MUC4: variants seen among roughly 807,000 people sequenced by gnomAD.
MUC4 encodes the protein mucin-4.
MUC4 carries 202 observed loss-of-function variants against 257.9 expected under a neutral mutation model. The observed-to-expected ratio is 0.78, with a 90% CI of 0.70 to 0.88. The LOEUF is 0.88. Ranked by LOEUF, MUC4 falls within the 40% of genes least tolerant of loss-of-function variation. The probability of loss-of-function intolerance (pLI) is 0.00; values close to 1 mark genes in which losing one functional copy is unlikely to be tolerated. For missense variants in MUC4, 5,976 were observed against 6,513.7 expected, an observed-to-expected ratio of 0.92 and a Z score of 2.84; for synonymous variants, 2,351 against 2,757.1, an observed-to-expected ratio of 0.85 and a Z score of 4.62.
In MUC4 at chr3:195,784,009, CCTGTGGATG is replaced by C. The variant is rs1729874506; in HGVS notation, c.7562_7570del (p.Ala2521_Thr2523del). On this transcript the variant is annotated inframe_deletion, in exon 2 of 25. Transcript: ENST00000463781. ...GGTGACAGGAAGAGGGGTGGTGTCA[CCTGTGGATG>C]CTGAGGGAGTGTCGGTGACAGGTAG... 6.6e-7 allele frequency: 1 copy of C among 1,522,108 alleles called. No individual in the cohort carries two copies. Among genetic ancestry groups the C allele is most frequent in the African/African-American group, 1.6e-5 (1 of 64,036 alleles). The allele number at this position is 1,522,108 out of a possible 1,614,324, so 94.3% of individuals were successfully genotyped here.
intron 1 of MUC4, among the ~76,000 whole-genome samples, chr3:195,798,798 T>C (rs894629169): frequency 1.3e-5 from 2 of 152,224 alleles, no homozygotes; most frequent in African/African-American, 4.8e-5. Flanking sequence ...ATACCTGATA[T>C]GAGCATTTCT....
Position 195,767,771 on chromosome 3 carries a change from A to ATCG in MUC4, c.13530-1021_13530-1020insCGA, listed in dbSNP as rs1721559473. Among the ~76,000 whole-genome samples, 4 of 125,014 alleles carry ATCG rather than the reference A, an allele frequency of 3.2e-5. No homozygotes were observed. In the East Asian group the frequency reaches 1.1e-3, roughly 33 times the overall value. 82.0% of individuals were successfully genotyped at this position (125,014 alleles called of 152,430 possible). A position where few individuals can be genotyped will look rare whatever the true frequency, so the allele number is the denominator to read the frequency against. ...CGCCACCACCACCATCACCACCACCACCACCATCACCACCATCATTGCCAC... is the reference window on the plus strand; with the variant it reads ...CGCCACCACCACCATCACCACCACCATCGCCACCATCACCACCATCATTGCCAC... On this transcript the variant is annotated intron_variant, in intron 7 of 24. Transcript: ENST00000463781.
In MUC4 at chr3:195,781,139, CTGAGGAAGGGCTGGTGACAGGAAGAGGGG is replaced by C; in HGVS notation, c.10412_10440del (p.Thr3471SerfsTer21). ...AGAGGGGTGGTGTGACCTGTAGATGCTGAGGAAGGGCTGGTGACAGGAAGAGGGGTGGTGTCACCTGTGGATGCTGAGGA... is the reference window on the plus strand; with the variant it reads ...AGAGGGGTGGTGTGACCTGTAGATGCTGGTGTCACCTGTGGATGCTGAGGA... On this transcript the variant is annotated frameshift_variant, in exon 2 of 25. Coordinates refer to ENST00000463781, the MANE Select transcript of MUC4 (RefSeq NM_018406.7). LOFTEE classifies it high-confidence loss of function. The C allele has an allele frequency of 7.4e-7, 1 of 1,359,688 alleles. No individual in the cohort carries two copies. The highest frequency in any genetic ancestry group is 2.4e-5 in the Admixed American group (1 of 41,030). The allele number at this position is 1,359,688 out of a possible 1,614,324, so 84.2% of individuals were successfully genotyped here.
At position 195,770,147 on chromosome 3, in the gene MUC4, C is replaced by G. The variant is rs115634085; in HGVS notation, c.13398+69G>C. On this transcript the variant is annotated intron_variant, in intron 6 of 24. Coordinates refer to ENST00000463781, the MANE Select transcript of MUC4 (RefSeq NM_018406.7). ...GCCAGAGAGGATTTTGGAAGAGTGG[C>G]CCCTGCCTAGGATTCTAGGATGTCT... 2.2e-3 allele frequency: 3,030 copies of G among 1,402,098 alleles called. 66 individuals are homozygous for G. The African/African-American group carries it at 0.038, about 18-fold the overall frequency. The allele number at this position is 1,402,098 out of a possible 1,614,324, so 86.9% of individuals were successfully genotyped here. A position where few individuals can be genotyped will look rare whatever the true frequency, so the allele number is the denominator to read the frequency against.
Position 195,786,659 on chromosome 3 carries a change from A to G in MUC4, c.4921T>C (p.Leu1641=). 1.6e-6 allele frequency: 2 copies of G among 1,256,382 alleles called. No homozygotes were observed. Among genetic ancestry groups the G allele is most frequent in the South Asian group, 2.9e-5 (2 of 68,010 alleles). 77.8% of individuals were successfully genotyped at this position (1,256,382 alleles called of 1,614,324 possible). The change falls in exon 2 of 25, where the codon TTA becomes CTA. Residue 1641 remains leucine (L), a synonymous_variant. Coordinates refer to ENST00000463781, the MANE Select transcript of MUC4 (RefSeq NM_018406.7). ...TPLPVTNASS[L]STGHATPLHV... ...AGAGGGGTGGCGTGACCTGTGGATA[A>G]TGAGGAAGCATTGGTGACAGGAAGA... is the stretch of plus-strand genomic sequence containing the variant.
Position 195,762,216 on chromosome 3 carries a change from G to C in MUC4, c.14383C>G (p.Arg4795Gly). The C allele has an allele frequency of 6.3e-7, 1 of 1,594,850 alleles. No individual in the cohort carries two copies. Among genetic ancestry groups the C allele is most frequent in the South Asian group, 1.1e-5 (1 of 87,740 alleles). The change falls in exon 14 of 25, where the codon CGC becomes GGC. Residue 4795 changes from arginine (R) to glycine (G), a missense_variant. Arg to Gly is a moderately radical substitution (Grantham distance 125). Around this residue, in one of 44 missense-constraint regions of MUC4, gnomAD observed 996 missense variants for 1,137.3 expected, o/e 0.88. Coordinates refer to ENST00000463781, the MANE Select transcript of MUC4 (RefSeq NM_018406.7). The part of the protein sequence containing the change: ...TFNATGVLLS[R>G]NGSEVSASFD... ...CTGGCCGAGACCTCAGAGCCGTTGCGGCTCAGGAGGACTCCGGTGGCGTTG... is the reference window on the plus strand; with the variant it reads ...CTGGCCGAGACCTCAGAGCCGTTGCCGCTCAGGAGGACTCCGGTGGCGTTG...
rs368161020 is a variant in MUC4, at chr3:195,762,984, G to A, written c.14254-39C>T. The A allele has an allele frequency of 2.4e-3, 3,575 of 1,463,352 alleles. 13 individuals carry two copies. The highest frequency in any genetic ancestry group is 2.8e-3 in the Non-Finnish European group (3,002 of 1,074,708). 90.6% of individuals were successfully genotyped at this position (1,463,352 alleles called of 1,614,324 possible). A position where few individuals can be genotyped will look rare whatever the true frequency, so the allele number is the denominator to read the frequency against. ...GGAGGGGGCCTGAGCCCGACCCGCA[G>A]GTGGAGCCGACGCCCAGGAAAGCAG... On this transcript the variant is annotated intron_variant, in intron 12 of 24. Transcript: ENST00000463781.
At position 195,779,984 on chromosome 3, in the gene MUC4, A is replaced by G. The variant is rs745588948; in HGVS notation, c.11596T>C (p.Ser3866Pro). 1.4e-6 allele frequency: 2 copies of G among 1,442,540 alleles called. No homozygotes were observed. The highest frequency in any genetic ancestry group is 2.5e-5 in the South Asian group (2 of 78,940). 89.4% of individuals were successfully genotyped at this position (1,442,540 alleles called of 1,614,324 possible). Residue 3866 changes from serine to proline, a missense_variant, in exon 2 of 25, where the codon TCC (serine) becomes CCC (proline). Around this residue, in one of 44 missense-constraint regions of MUC4, gnomAD observed 330 missense variants for 262.0 expected, o/e 1.26. Transcript: ENST00000463781. ...PLPVTSPSSA[S>P]TGHATPLPVT... is the part of the protein sequence containing the mutation. ...GGAAGAGGGGTGGCGTGACCTGTGG[A>G]TGCTGAGGAAGGGCTAGTGACAGGA...
Position 195,753,218 on chromosome 3 carries a change from G to A in MUC4, c.15341C>T (p.Ser5114Phe), listed in dbSNP as rs1368701895. 1 of 1,613,910 alleles carries A rather than the reference G, an allele frequency of 6.2e-7. No individual in the cohort carries two copies. Among genetic ancestry groups the A allele is most frequent in the African/African-American group, 1.3e-5 (1 of 75,032 alleles). ...GCAGGACTGGTTCTGACACAGGAAA[G>A]AGCTCCCCAGAGCTGCAGAGTGAGT... ...DGRHCAALGS[S>F]FLCQNQSCPV... Residue 5114 changes from serine to phenylalanine, a missense_variant, in exon 20 of 25, where the codon TCT becomes TTT. This residue lies in a region of MUC4 where 996 missense variants were observed against 1,137.3 expected (regional missense o/e 0.88). Coordinates refer to ENST00000463781, the MANE Select transcript of MUC4 (RefSeq NM_018406.7).
intron 3 of MUC4, among the ~76,000 whole-genome samples, chr3:195,775,604 C>G (rs1367304197): frequency 2.3e-3 from 167 of 72,314 alleles, no homozygotes; most frequent in African/African-American, 7.0e-3. Context: ...ACCTTCCACA[C>G]CCATACCTTC....
In MUC4 at chr3:195,786,410, C is replaced by G. The variant is rs1205584837; in HGVS notation, c.5170G>C (p.Gly1724Arg). 2.0e-6 allele frequency: 3 copies of G among 1,531,906 alleles called. No homozygotes were observed. The highest frequency in any genetic ancestry group is 2.0e-5 in the Admixed American group (1 of 49,828). The allele number at this position is 1,531,906 out of a possible 1,614,324, so 94.9% of individuals were successfully genotyped here. A position where few individuals can be genotyped will look rare whatever the true frequency, so the allele number is the denominator to read the frequency against. Reference protein sequence around the residue: ...PVTSLSSVSTGDTTPLPVTSP... With the variant: ...PVTSLSSVSTRDTTPLPVTSP... ...GTGACAGGAAGAGGCGTGGTGTCAC[C>G]TGTGGATACTGAGGAAAGGCTGGTG... The change falls in exon 2 of 25, where the codon GGT (glycine) becomes CGT (arginine). Residue 1724 changes from glycine (G) to arginine (R), a missense_variant. Gly to Arg is a moderately radical substitution (Grantham distance 125). Transcript: ENST00000463781.
At chr3:195,804,118 C>T (rs550282989) in intron 1 of MUC4, among the ~76,000 whole-genome samples, 35 of 152,300 alleles carry the variant, frequency 2.3e-4, no homozygotes, top group African/African-American at 3.6e-4. Flanking sequence ...CATCCAGGGA[C>T]GAGGAGGGCA....
Position 195,777,914 on chromosome 3 carries a change from C to G in MUC4, c.12943+389G>C, listed in dbSNP as rs55873702. Among the ~76,000 whole-genome samples the G allele has an allele frequency of 4.6e-3, 367 of 79,226 alleles. 30 individuals carry two copies. The highest frequency in any genetic ancestry group is 0.029 in the African/African-American group (187 of 6,356). The allele number at this position is 79,226 out of a possible 152,430, so 52.0% of individuals were successfully genotyped here. A position where few individuals can be genotyped will look rare whatever the true frequency, so the allele number is the denominator to read the frequency against. ...ACCTTCCACAGCCATACCTTCCACA[C>G]CCATACCTTCCACACCCATACCTTC... On this transcript the variant is annotated intron_variant, in intron 3 of 24. Coordinates refer to ENST00000463781, the MANE Select transcript of MUC4 (RefSeq NM_018406.7).
rs774704499 is a variant in MUC4 at position 195,780,005 on chromosome 3, C to G, written c.11575G>C (p.Val3859Leu). Residue 3859 changes from valine to leucine, a missense_variant, in exon 2 of 25, where the codon GTC becomes CTC. Around this residue, in one of 44 missense-constraint regions of MUC4, gnomAD observed 330 missense variants for 262.0 expected, o/e 1.26. Transcript: ENST00000463781. ...VSTGDTMPLPVTSPSSASTGH... is the reference protein window; with the variant it reads ...VSTGDTMPLPLTSPSSASTGH... ...GTGGATGCTGAGGAAGGGCTAGTGA[C>G]AGGAAGAGGCATGGTGTCACCTGTG... 249 of 1,350,768 alleles carry G rather than the reference C, an allele frequency of 1.8e-4. 28 individuals are homozygous for G. Among genetic ancestry groups the G allele is most frequent in the Middle Eastern group, 2.6e-4 (1 of 3,848 alleles). 83.7% of individuals were successfully genotyped at this position (1,350,768 alleles called of 1,614,324 possible). A position where few individuals can be genotyped will look rare whatever the true frequency, so the allele number is the denominator to read the frequency against.
chr3:195,785,751 G>C lies in MUC4; in HGVS notation c.5829C>G (p.Ser1943=). The C allele has an allele frequency of 1.3e-6, 2 of 1,491,532 alleles. No individual in the cohort carries two copies. The highest frequency in any genetic ancestry group is 2.5e-5 in the South Asian group (2 of 81,610). The allele number at this position is 1,491,532 out of a possible 1,614,324, so 92.4% of individuals were successfully genotyped here. A position where few individuals can be genotyped will look rare whatever the true frequency, so the allele number is the denominator to read the frequency against. Reference sequence around the variant, plus strand: ...GGGTGGTGTGACCTGAGGATGCTGAGGAAGGGCTAGTGACAGGAAGAGGCG... The same window carrying C: ...GGGTGGTGTGACCTGAGGATGCTGACGAAGGGCTAGTGACAGGAAGAGGCG... ...DTTPLPVTSP[S]SASSGHTTPL... is the part of the protein sequence containing the mutation. The change falls in exon 2 of 25, where the codon TCC becomes TCG. Residue 1943 remains serine, a synonymous_variant. Transcript: ENST00000463781.
intron 1 of MUC4, among the ~76,000 whole-genome samples, chr3:195,808,020 G>A (rs1389038739): frequency 6.6e-6 from 1 of 152,158 alleles, no homozygotes; most frequent in East Asian, 1.9e-4. Context: ...CATGGCCCTC[G>A]GGGTCCGTTC....
rs148587168 is a variant in MUC4, at chr3:195,751,211, G to A, written c.15643C>T (p.Arg5215Ter). 844 of 1,604,326 alleles carry A rather than the reference G, an allele frequency of 5.3e-4. No individual in the cohort carries two copies. The highest frequency in any genetic ancestry group is 6.2e-4 in the Non-Finnish European group (733 of 1,175,724). The change falls in exon 22 of 25, where the codon CGA (arginine) becomes TGA (stop). Residue 5215 changes from arginine to a stop codon, truncating the protein, a stop_gained. Transcript: ENST00000463781. LOFTEE classifies it high-confidence loss of function. Reference protein sequence around the residue: ...RAFLRNSQVERIDSAAPASGS... With the variant: ...RAFLRNSQVE ...GGGGGACACAGTCCCACTTACATTCGTTCCACTTGGCTGTTGCGGAGAAAG... is the reference window on the plus strand; with the variant it reads ...GGGGGACACAGTCCCACTTACATTCATTCCACTTGGCTGTTGCGGAGAAAG...
At chr3:195,791,615 C>A in intron 1 of MUC4, 118 bp from the exon 2 acceptor site, 1 of 693,374 alleles carries the variant, frequency 1.4e-6, no homozygotes, top group South Asian at 1.9e-5. Flanking sequence ...GTGAAAACTA[C>A]CATTCTTCAC....
chr3:195,754,895 ATGTATG>A (rs1240011960), intron 18 of MUC4, among the ~76,000 whole-genome samples: 29 of 26,964 alleles, frequency 1.1e-3, no homozygotes, highest in African/African-American at 1.7e-3. Context: ...GTATGTATCC[ATGTATG>A]TATGTGTGTG....
Sources: gnomAD v4.1 joint callset for allele counts (sites outside exome capture counted in the v4.1 genomes callset) on GRCh38, gnomAD v4.1.1 for gene constraint, gnomAD v4.1.1 regional missense constraint, MANE v1.5 for transcripts, NCBI Gene and HGNC (gene_info 2026-07-23, HGNC 2026-07-21) for gene names.